KIAA1549: variants seen among roughly 807,000 people sequenced by gnomAD.
KIAA1549 encodes the protein KIAA1549, also known as UPF0606 protein KIAA1549.
In KIAA1549, 70 loss-of-function variants were observed where a neutral mutation model predicts 156.4. That is an observed-to-expected ratio of 0.45 (90% confidence interval 0.37 to 0.55). The LOEUF (loss-of-function observed/expected upper bound fraction) is 0.55, where lower values mean the gene tolerates loss of function less well. Ranked by LOEUF, KIAA1549 falls within the 20% of genes least tolerant of loss-of-function variation. The probability of loss-of-function intolerance (pLI) is 0.00; values close to 1 mark genes in which losing one functional copy is unlikely to be tolerated. For missense variants in KIAA1549, 2,428 were observed against 2,540.9 expected, an observed-to-expected ratio of 0.96 and a Z score of 0.96; for synonymous variants, 1,103 against 1,066.4, an observed-to-expected ratio of 1.03 and a Z score of -0.67.
intron 1 of KIAA1549, among the ~76,000 whole-genome samples, chr7:138,921,055 C>T (rs1019774952): frequency 1.3e-4 from 20 of 152,200 alleles, no homozygotes; most frequent in Non-Finnish European, 2.8e-4. Context: ...ACTGGACCAG[C>T]TGGCCTGTTG....
intron 1 of KIAA1549, among the ~76,000 whole-genome samples, chr7:138,920,275 T>C (rs551200360): frequency 1.7e-5 from 1 of 58,688 alleles, no homozygotes; most frequent in South Asian, 5.1e-4. Context: ...AGCACAGATA[T>C]GAGCTTCATC....
At chr7:138,930,088 T>A (rs541690099) in intron 1 of KIAA1549, among the ~76,000 whole-genome samples, 70 of 152,338 alleles carry the variant, frequency 4.6e-4, no homozygotes, top group Non-Finnish European at 9.1e-4. Context: ...AATCTCCTTA[T>A]CCATCTTGAT....
Position 138,917,882 on chromosome 7 carries a change from C to G in KIAA1549, c.1744G>C (p.Ala582Pro). 1.2e-6 allele frequency: 2 copies of G among 1,603,882 alleles called. No individual in the cohort carries two copies. Among genetic ancestry groups the G allele is most frequent in the Non-Finnish European group, 1.7e-6 (2 of 1,175,296 alleles). ...GTAAAAACACTCGGGTCTCTGACGG[C>G]AAGCGACGGTGTGTTTTTGTTTGCT... ...VIANKNTPSL[A>P]VRDPSVFTPY... The change falls in exon 2 of 20, where the codon GCC (alanine) becomes CCC (proline). Residue 582 changes from alanine to proline, a missense_variant. Ala to Pro is a conservative substitution (Grantham distance 27). Around this residue, in one of 5 missense-constraint regions of KIAA1549, gnomAD observed 893 missense variants for 847.9 expected, o/e 1.05. Transcript: ENST00000422774.
chr7:138,912,325 A>T (rs776565342), intron 3 of KIAA1549, 47 bp downstream of exon 3: 1 of 1,413,096 alleles, frequency 7.1e-7, no homozygotes, highest in Admixed American at 1.7e-5. Flanking sequence ...CTCTCACATC[A>T]GCCCCAGTCT....
At chr7:138,881,978 A>G (rs1433463916) in intron 10 of KIAA1549, among the ~76,000 whole-genome samples, 1 of 152,236 alleles carries the variant, frequency 6.6e-6, no homozygotes, top group Non-Finnish European at 1.5e-5. Flanking sequence ...CATATCAGGA[A>G]GCAGAGAACA....
At chr7:138,887,673 T>G (rs1034966212) in intron 10 of KIAA1549, among the ~76,000 whole-genome samples, 2 of 152,214 alleles carry the variant, frequency 1.3e-5, no homozygotes, top group Non-Finnish European at 2.9e-5. Flanking sequence ...CCCAGAGATG[T>G]AGAAACCTCG....
chr7:138,919,364 T>C lies in KIAA1549; in HGVS notation c.262A>G (p.Ser88Gly), dbSNP rs777362931. ...TCTGTTAAGGCCACTTGTGCAGCGC[T>C]GTGCCCAGTGCTTTTCTTCAGCACG... ...ELVLKKSTGH[S>G]AAQVALTETA... Residue 88 changes from serine to glycine, a missense_variant, in exon 2 of 20, where the codon AGC (serine) becomes GGC (glycine). Transcript: ENST00000422774. The C allele has an allele frequency of 6.2e-7, 1 of 1,614,036 alleles. No individual in the cohort carries two copies. The highest frequency in any genetic ancestry group is 2.2e-5 in the East Asian group (1 of 44,880).
intron 1 of KIAA1549, among the ~76,000 whole-genome samples, chr7:138,970,762 A>G (rs1249205367): frequency 6.6e-6 from 1 of 152,214 alleles, no homozygotes; most frequent in East Asian, 1.9e-4. Flanking sequence ...GCTTTGCCCA[A>G]GTTCCCCTGG....
chr7:138,841,007 T>C (rs1563044525), intron 18 of KIAA1549, among the ~76,000 whole-genome samples: 1 of 152,216 alleles, frequency 6.6e-6, no homozygotes, highest in Non-Finnish European at 1.5e-5. Flanking sequence ...GGACTCTGAT[T>C]TTCTTTTAAT....
At chr7:138,921,024 G>A (rs1323035309) in intron 1 of KIAA1549, among the ~76,000 whole-genome samples, 1 of 152,202 alleles carries the variant, frequency 6.6e-6, no homozygotes, top group Non-Finnish European at 1.5e-5. Context: ...CAAGGGCAGT[G>A]ACTGGGGACC....
chr7:138,919,309 G>A lies in KIAA1549; in HGVS notation c.317C>T (p.Pro106Leu), dbSNP rs777742105. Reference sequence around the variant, plus strand: ...AGACGGCGGGGCTGTGACATGGAGAGGACTGCTGTGCTGGGAGCCGGGAGC... The same window carrying A: ...AGACGGCGGGGCTGTGACATGGAGAAGACTGCTGTGCTGGGAGCCGGGAGC... ...ETAPGSQHSS[P>L]LHVTAPPSAT... The change falls in exon 2 of 20, where the codon CCT (proline) becomes CTT (leucine). Residue 106 changes from proline (P) to leucine (L), a missense_variant. By Grantham distance (98) the Pro-to-Leu change is moderately conservative. This residue lies in a region of KIAA1549 where 893 missense variants were observed against 847.9 expected (regional missense o/e 1.05). Coordinates refer to ENST00000422774, the MANE Select transcript of KIAA1549 (RefSeq NM_001164665.2). 6.4e-5 allele frequency: 104 copies of A among 1,614,016 alleles called. 1 individual carries two copies. The highest frequency in any genetic ancestry group is 4.0e-4 in the South Asian group (36 of 91,088).
intron 15 of KIAA1549, among the ~76,000 whole-genome samples, chr7:138,866,503 C>A (rs955869422): frequency 2.0e-5 from 3 of 152,214 alleles, no homozygotes; most frequent in Non-Finnish European, 4.4e-5. Flanking sequence ...GTCTCTAAAC[C>A]AGGCTGGCTC....
chr7:138,882,049 G>A (rs1811260484), intron 10 of KIAA1549, among the ~76,000 whole-genome samples: 1 of 152,220 alleles, frequency 6.6e-6, no homozygotes, highest in African/African-American at 2.4e-5. Context: ...AGGAGCACGA[G>A]AGAAAAGTCC....
chr7:138,881,430 G>A lies in KIAA1549; in HGVS notation c.4187C>T (p.Pro1396Leu). Reference sequence around the variant, plus strand: ...ATTCTTGGAAGGGATCTTTGACTTGGGGCTTGGCACGTCTCCATTTTCCGA... The same window carrying A: ...ATTCTTGGAAGGGATCTTTGACTTGAGGCTTGGCACGTCTCCATTTTCCGA... ...TPSENGDVPS[P>L]KSKIPSKNVR... The change falls in exon 11 of 20, where the codon CCC (proline) becomes CTC (leucine). Residue 1396 changes from proline to leucine, a missense_variant. Transcript: ENST00000422774. The A allele has an allele frequency of 6.2e-7, 1 of 1,613,982 alleles. No individual in the cohort carries two copies. Among genetic ancestry groups the A allele is most frequent in the Non-Finnish European group, 8.5e-7 (1 of 1,179,884 alleles).
At chr7:138,939,601 A>G (rs1813114759) in intron 1 of KIAA1549, among the ~76,000 whole-genome samples, 1 of 152,216 alleles carries the variant, frequency 6.6e-6, no homozygotes, top group African/African-American at 2.4e-5. Flanking sequence ...TTCAGAATCA[A>G]TGTTTTTGGC....
intron 16 of KIAA1549, among the ~76,000 whole-genome samples, chr7:138,859,317 C>T (rs1272358300): frequency 6.6e-6 from 1 of 152,130 alleles, no homozygotes; most frequent in African/African-American, 2.4e-5. Flanking sequence ...TTATCTCCAA[C>T]ACAGTCATGT....
At position 138,911,285 on chromosome 7, in the gene KIAA1549, T is replaced by C. The variant is rs755689944; in HGVS notation, c.3006A>G (p.Thr1002=). ...ELFTDFTFLV[T]SGPFVYTAIS... is the part of the protein sequence containing the mutation. ...TTGCCGTGTAAACGAAAGGACCGGA[T>C]GTTACCAGAAAAGTGAAGTCAGTAA... is the stretch of plus-strand genomic sequence containing the variant. Residue 1002 remains threonine (T), a synonymous_variant, in exon 4 of 20, where the codon ACA becomes ACG. Coordinates refer to ENST00000422774, the MANE Select transcript of KIAA1549 (RefSeq NM_001164665.2). 15 of 1,602,030 alleles carry C rather than the reference T, an allele frequency of 9.4e-6. No individual in the cohort carries two copies. The highest frequency in any genetic ancestry group is 2.7e-5 in the African/African-American group (2 of 74,724).
chr7:138,977,096 T>TA (rs1814402160), intron 1 of KIAA1549, among the ~76,000 whole-genome samples: 2 of 151,890 alleles, frequency 1.3e-5, no homozygotes, highest in South Asian at 2.1e-4. Flanking sequence ...ATAAATGCAA[T>TA]AAAAAAATTA....
rs372780314 is a variant in KIAA1549, at chr7:138,838,058, G to A, written c.5701C>T (p.Arg1901Trp). The A allele has an allele frequency of 6.8e-5, 108 of 1,596,972 alleles. No individual in the cohort carries two copies. The South Asian group carries it at 7.4e-4, about 11-fold the overall frequency. Residue 1901 changes from arginine (R) to tryptophan (W), a missense_variant, in exon 20 of 20, where the codon CGG (arginine) becomes TGG (tryptophan). By Grantham distance (101) the Arg-to-Trp change is moderately radical. Around this residue, in one of 5 missense-constraint regions of KIAA1549, gnomAD observed 363 missense variants for 354.0 expected, o/e 1.03. Transcript: ENST00000422774. ...PSAPSGNLPH[R>W]GLQGPGLGYP... ...CCCAGCCCAGGGCCCTGCAGTCCCC[G>A]GTGGGGGAGGTTCCCGGAAGGAGCT...
Sources: allele counts gnomAD v4.1 joint callset (sites outside exome capture counted in the v4.1 genomes callset), GRCh38; gene constraint gnomAD v4.1.1; regional missense constraint gnomAD v4.1.1; transcripts MANE v1.5; gene names NCBI Gene and HGNC (gene_info 2026-07-23, HGNC 2026-07-21).